The following KIF19 variants were observed in gnomAD, a reference collection of about 807,000 sequenced individuals.
The protein encoded by KIF19 is kinesin family member 19.
A neutral mutation model predicts 106.6 loss-of-function variants in KIF19; 98 were observed. That is an observed-to-expected ratio of 0.92 (90% CI 0.78 to 1.09). The LOEUF is 1.09. Ranked by LOEUF, KIF19 falls within the 50% of genes least tolerant of loss-of-function variation. The probability of loss-of-function intolerance (pLI) is 0.00; values close to 1 mark genes in which losing one functional copy is unlikely to be tolerated. For synonymous variants in KIF19, 516 were observed against 584.2 expected (o/e 0.88, Z 1.68); for missense variants, 1,373 against 1,414.3 (o/e 0.97, Z 0.47).
chr17:74,347,717 C>A, intron 8 of KIF19, 60 bp from the exon 9 acceptor site: 4 of 1,554,108 alleles, frequency 2.6e-6, no homozygotes, highest in Non-Finnish European at 3.5e-6. Flanking sequence ...TCGTGAACAG[C>A]CTGGCAGGAG....
chr17:74,351,953 G>A lies in KIF19; in HGVS notation c.1674G>A (p.Glu558=). 2 of 1,499,208 alleles carry A rather than the reference G, an allele frequency of 1.3e-6. No homozygotes were observed. The highest frequency in any genetic ancestry group is 1.2e-5 in the South Asian group (1 of 80,236). 92.9% of individuals were successfully genotyped at this position (1,499,208 alleles called of 1,614,324 possible). A position where few individuals can be genotyped will look rare whatever the true frequency, so the allele number is the denominator to read the frequency against. The change falls in exon 13 of 20, where the codon GAG becomes GAA. Residue 558 remains glutamate (E), a synonymous_variant. Coordinates refer to ENST00000389916, the MANE Select transcript of KIF19 (RefSeq NM_153209.4). Reference sequence around the variant, plus strand: ...TGCCGCGGCGCATCGGCTCCGAGGAGCAGCGCGAGGTGCTCAGCCTGCTGT... The same window carrying A: ...TGCCGCGGCGCATCGGCTCCGAGGAACAGCGCGAGGTGCTCAGCCTGCTGT... The part of the protein sequence containing the change: ...ETLPRRIGSE[E]QREVLSLLCR...
At position 74,354,283 on chromosome 17, in the gene KIF19, G is replaced by T. The variant is rs751587151; in HGVS notation, c.2430G>T (p.Leu810=). The T allele has an allele frequency of 9.9e-6, 16 of 1,608,780 alleles. No homozygotes were observed. The highest frequency in any genetic ancestry group is 1.4e-5 in the Non-Finnish European group (16 of 1,179,056). Residue 810 remains leucine (L), a synonymous_variant, in exon 18 of 20, where the codon CTG becomes CTT. Coordinates refer to ENST00000389916, the MANE Select transcript of KIF19 (RefSeq NM_153209.4). ...LLAPATERSS[L]SLHSLSEGDD... ...CACCCGCGACAGAGCGCAGCAGCCT[G>T]TCCCTGCACTCACTGAGCGAGGGCG... is the stretch of plus-strand genomic sequence containing the variant.
intron 2 of KIF19, among the ~76,000 whole-genome samples, chr17:74,340,528 C>A (rs1419165867): frequency 7.8e-6 from 1 of 127,528 alleles, no homozygotes; most frequent in African/African-American, 2.8e-5. Context: ...TGTGTCTCAA[C>A]ACACGTGCCA....
In KIF19 at chr17:74,326,383, C is replaced by T. The variant is rs377732833; in HGVS notation, c.34C>T (p.Leu12Phe). Residue 12 changes from leucine (L) to phenylalanine (F), a missense_variant, in exon 1 of 20, where the codon CTC becomes TTC. Coordinates refer to ENST00000389916, the MANE Select transcript of KIF19 (RefSeq NM_153209.4). ...KDSGDSKDQQLMVALRVRPIS... is the reference protein window; with the variant it reads ...KDSGDSKDQQFMVALRVRPIS... ...CAGCGGGGACTCCAAGGACCAGCAA[C>T]TCATGGTGAGACCCTTTTAGACCCT... The T allele has an allele frequency of 6.6e-5, 106 of 1,612,884 alleles. No homozygotes were observed. In the Admixed American group the frequency reaches 1.3e-3, roughly 20 times the overall value.
intron 2 of KIF19, among the ~76,000 whole-genome samples, chr17:74,341,192 G>A (rs951211347): frequency 3.9e-5 from 6 of 152,132 alleles, no homozygotes; most frequent in Non-Finnish European, 8.8e-5. Context: ...GGTGGCACAC[G>A]CCTGTAGTCC....
chr17:74,351,100 A>C, intron 12 of KIF19, 195 bp downstream of exon 12: 1 of 624,788 alleles, frequency 1.6e-6, no homozygotes, highest in Non-Finnish European at 2.9e-6. Context: ...GGAGCAGTCC[A>C]TGGTGCAGCC....
rs539831654 is a variant in KIF19 at position 74,344,422 on chromosome 17, G to A, written c.582+74G>A. ...CTGAGGGGCAGGAGGGGCGGGGACA[G>A]AAGCCAGGGAGCTGCTCCCCACTCG... On this transcript the variant is annotated intron_variant, in intron 6 of 19. Transcript: ENST00000389916. 5 of 1,554,322 alleles carry A rather than the reference G, an allele frequency of 3.2e-6. 1 individual carries two copies. The South Asian group carries it at 5.9e-5, about 18-fold the overall frequency.
intron 18 of KIF19, 57 bp from the exon 19 acceptor site, chr17:74,354,724 TC>T: frequency 1.3e-6 from 2 of 1,533,288 alleles, no homozygotes; most frequent in South Asian, 2.4e-5. Context: ...CTGGGACAGA[TC>T]CTGGTAGCAG....
At position 74,346,732 on chromosome 17, in the gene KIF19, A is replaced by G. The variant is rs1174240325; in HGVS notation, c.924+208A>G. ...ATCTGAAATTCAAATTTAACTGGGT[A>G]TCCTGTATTTTATCTGACGACCCTA... On this transcript the variant is annotated intron_variant, in intron 8 of 19. Coordinates refer to ENST00000389916, the MANE Select transcript of KIF19 (RefSeq NM_153209.4). The surrounding 1 kb of genome is among the most constrained non-coding windows in gnomAD (Gnocchi z 4.6). Among the ~76,000 whole-genome samples, 4 of 152,230 alleles carry G rather than the reference A, an allele frequency of 2.6e-5. No individual in the cohort carries two copies. Among genetic ancestry groups the G allele is most frequent in the Non-Finnish European group, 5.9e-5 (4 of 68,038 alleles).
At chr17:74,330,160 G>A (rs1055235010) in intron 2 of KIF19, among the ~76,000 whole-genome samples, 3 of 152,360 alleles carry the variant, frequency 2.0e-5, no homozygotes, top group Admixed American at 2.0e-4. Context: ...GGATGACTGG[G>A]AAGACCTCGT....
At chr17:74,354,083 C>T (rs2054800685) in intron 17 of KIF19, 79 bp from the exon 18 acceptor site, 1 of 1,476,788 alleles carries the variant, frequency 6.8e-7, no homozygotes, top group South Asian at 1.3e-5. Flanking sequence ...CTGGCTCCTA[C>T]CCACGTCTGC....
intron 1 of KIF19, among the ~76,000 whole-genome samples, chr17:74,327,369 G>A (rs2144181243): frequency 6.6e-6 from 1 of 152,376 alleles, no homozygotes; most frequent in East Asian, 1.9e-4. Context: ...GTGCCCCGGG[G>A]AGCAGGGATG....
At position 74,354,882 on chromosome 17, in the gene KIF19, A is replaced by AT. The variant is rs1226587670; in HGVS notation, c.2808dup (p.Leu937SerfsTer62). 9.6e-6 allele frequency: 15 copies of AT among 1,569,966 alleles called. No individual in the cohort carries two copies. Among genetic ancestry groups the AT allele is most frequent in the Non-Finnish European group, 1.3e-5 (15 of 1,157,982 alleles). On this transcript the variant is annotated frameshift_variant, in exon 19 of 20. Coordinates refer to ENST00000389916, the MANE Select transcript of KIF19 (RefSeq NM_153209.4). LOFTEE classifies it high-confidence loss of function. ...AGGCACCCAGCCCCTGGTATCCGGC[A>AT]TCTGGGAAAGGTCACGCTACCTTTG...
chr17:74,343,918 T>C (rs747321), intron 5 of KIF19, among the ~76,000 whole-genome samples: 107,520 of 152,022 alleles, frequency 0.71, 39,784 homozygotes, highest in Non-Finnish European at 0.81. Flanking sequence ...AGTGAGGGAA[T>C]GGGGATTCAC....
At chr17:74,332,664 C>CTGGG (rs1190561087) in intron 2 of KIF19, among the ~76,000 whole-genome samples, 2 of 152,124 alleles carry the variant, frequency 1.3e-5, no homozygotes, top group Non-Finnish European at 2.9e-5. Context: ...GCCAGGAGGG[C>CTGGG]TGGGTGAGGG....
chr17:74,342,022 C>G (rs1482778366), intron 3 of KIF19, 36 bp downstream of exon 3: 1 of 1,392,424 alleles, frequency 7.2e-7, no homozygotes, highest in Admixed American at 2.2e-5. Flanking sequence ...ACGCAGGAGC[C>G]CCTCCCCCAC....
intron 2 of KIF19, among the ~76,000 whole-genome samples, chr17:74,332,386 G>C (rs1241765391): frequency 6.6e-6 from 1 of 152,032 alleles, no homozygotes; most frequent in Non-Finnish European, 1.5e-5. Flanking sequence ...GCCAGGGACA[G>C]CCTGAGAGGC....
At chr17:74,345,448 G>A (rs549866658) in intron 7 of KIF19, among the ~76,000 whole-genome samples, 4 of 152,212 alleles carry the variant, frequency 2.6e-5, no homozygotes, top group Admixed American at 6.5e-5. Flanking sequence ...GAAGGTCCCC[G>A]TCACCCATTT....
chr17:74,335,051 C>T (rs1228293615), intron 2 of KIF19, among the ~76,000 whole-genome samples: 1 of 152,206 alleles, frequency 6.6e-6, no homozygotes, highest in African/African-American at 2.4e-5. Context: ...AACTGAGCCT[C>T]ACTTGTGGCA....
Sources: gnomAD v4.1 joint callset for allele counts (sites outside exome capture counted in the v4.1 genomes callset) on GRCh38, gnomAD v4.1.1 for gene constraint, Gnocchi (gnomAD v3.1) non-coding constraint, MANE v1.5 for transcripts, NCBI Gene and HGNC (gene_info 2026-07-23, HGNC 2026-07-21) for gene names.